Variants in SORCS1 observed in about 807,000 individuals in gnomAD.
SORCS1 encodes sortilin related VPS10 domain containing receptor 1, also known as VPS10 domain-containing receptor SorCS1.
Under a neutral mutation model 146.1 loss-of-function variants are expected in SORCS1, and 60 were observed. That is an observed-to-expected ratio of 0.41 (90% CI 0.33 to 0.51). The LOEUF (loss-of-function observed/expected upper bound fraction) is 0.51, where lower values mean the gene tolerates loss of function less well. Ranked by LOEUF, SORCS1 falls within the 20% of genes least tolerant of loss-of-function variation. The pLI, the probability that SORCS1 is intolerant of heterozygous loss-of-function variation, is 0.21. For missense variants in SORCS1, 1,352 were observed against 1,487.6 expected (o/e 0.91, Z 1.50); for synonymous variants, 637 against 584.0 (o/e 1.09, Z -1.31).
chr10:106,984,635 C>T (rs1313199445), intron 1 of SORCS1, among the ~76,000 whole-genome samples: 2 of 151,740 alleles, frequency 1.3e-5, no homozygotes, highest in East Asian at 2.0e-4. Flanking sequence ...CCTCGTGATC[C>T]GCCCACCTGG....
Position 106,620,500 on chromosome 10 carries a change from A to T in SORCS1, c.2724T>A (p.Asn908Lys). The change falls in exon 20 of 26, where the codon AAT (asparagine) becomes AAA (lysine). Residue 908 changes from asparagine (N) to lysine (K), a missense_variant. Around this residue, in one of 3 missense-constraint regions of SORCS1, gnomAD observed 648 missense variants for 793.8 expected, o/e 0.82. Coordinates refer to ENST00000263054, the MANE Select transcript of SORCS1 (RefSeq NM_052918.5). ...GGCTGGGCCACAGCACTGCCGTCGC[A>T]TTGACCTCTTTGTTCTTTGTGGTGA... Reference protein sequence around the residue: ...PFVTTKNKEVNATAVLWPSQV... With the variant: ...PFVTTKNKEVKATAVLWPSQV... 1 of 1,614,136 alleles carries T rather than the reference A, an allele frequency of 6.2e-7. No individual in the cohort carries two copies. Among genetic ancestry groups the T allele is most frequent in the Non-Finnish European group, 8.5e-7 (1 of 1,179,974 alleles).
chr10:107,057,011 C>A (rs1453106494), intron 1 of SORCS1, among the ~76,000 whole-genome samples: 1 of 152,202 alleles, frequency 6.6e-6, no homozygotes, highest in Non-Finnish European at 1.5e-5. Context: ...CTTTAACATC[C>A]AGTTCCCGCT....
Position 106,851,528 on chromosome 10 carries a change from T to C in SORCS1, c.627-21855A>G, listed in dbSNP as rs145543407. Among the ~76,000 whole-genome samples, 17 of 152,358 alleles carry C rather than the reference T, an allele frequency of 1.1e-4. No homozygotes were observed. The East Asian group carries it at 3.3e-3, about 29-fold the overall frequency. On this transcript the variant is annotated intron_variant, in intron 2 of 25. Coordinates refer to ENST00000263054, the MANE Select transcript of SORCS1 (RefSeq NM_052918.5). ...AGCTGACTATATTTATATTGTTCTA[T>C]GTCTGGGCTCTCTACTCTGTTCCAT...
chr10:107,058,031 TA>T (rs1554934927), intron 1 of SORCS1, among the ~76,000 whole-genome samples: 88 of 152,010 alleles, frequency 5.8e-4, no homozygotes, highest in African/African-American at 2.1e-3. Flanking sequence ...AATCAACTTT[TA>T]AAAAAAATTT....
At chr10:107,076,744 GA>G (rs1962917269) in intron 1 of SORCS1, among the ~76,000 whole-genome samples, 1 of 152,096 alleles carries the variant, frequency 6.6e-6, no homozygotes, top group African/African-American at 2.4e-5. Context: ...ACATCATGGT[GA>G]AGTGGACGCT....
intron 3 of SORCS1, 25 bp downstream of exon 3, chr10:106,829,549 A>C: frequency 1.3e-6 from 2 of 1,504,720 alleles, no homozygotes; most frequent in Non-Finnish European, 1.8e-6. Flanking sequence ...ATGAATGAGT[A>C]GCATGCTGAA....
Position 106,672,937 on chromosome 10 carries a change from T to C in SORCS1, c.1989A>G (p.Val663=), listed in dbSNP as rs147260473. Residue 663 remains valine (V), a synonymous_variant, in exon 15 of 26, where the codon GTA becomes GTG. Transcript: ENST00000263054. The stretch of plus-strand genomic sequence containing the variant: ...GTCTATCAAAAATGGACTTGTAATC[T>C]ACTTTGACCAGCTGCCATTCAGAGC... ...SHRSEWQLVK[V]DYKSIFDRRC... The C allele has an allele frequency of 7.4e-6, 12 of 1,614,002 alleles. No homozygotes were observed. Among genetic ancestry groups the C allele is most frequent in the South Asian group, 5.5e-5 (5 of 91,080 alleles).
At chr10:106,959,418 G>A (rs1038229987) in intron 1 of SORCS1, among the ~76,000 whole-genome samples, 1 of 151,958 alleles carries the variant, frequency 6.6e-6, no homozygotes, top group Non-Finnish European at 1.5e-5. Flanking sequence ...TCCCTTCACT[G>A]CCTCTGTGCA....
intron 1 of SORCS1, among the ~76,000 whole-genome samples, chr10:106,992,224 CCT>C (rs1418810618): frequency 6.6e-6 from 1 of 152,044 alleles, no homozygotes; most frequent in African/African-American, 2.4e-5. Flanking sequence ...CAAAGGAGCC[CCT>C]GACTTCCGTA....
intron 1 of SORCS1, among the ~76,000 whole-genome samples, chr10:107,125,132 TA>T (rs2134580541): frequency 6.6e-6 from 1 of 152,080 alleles, no homozygotes; most frequent in Admixed American, 6.6e-5. Context: ...TTTATATTTT[TA>T]CTAAAGATGG....
intron 2 of SORCS1, among the ~76,000 whole-genome samples, chr10:106,831,123 G>T (rs1948525791): frequency 6.6e-6 from 1 of 152,078 alleles, no homozygotes; most frequent in Admixed American, 6.6e-5. Flanking sequence ...AACCCGGGAG[G>T]TGGAGGTTGC....
At chr10:106,996,365 G>C (rs1179528057) in intron 1 of SORCS1, among the ~76,000 whole-genome samples, 1 of 151,792 alleles carries the variant, frequency 6.6e-6, no homozygotes. Context: ...AAATTATTTT[G>C]CACTGCTATC....
At chr10:106,801,844 T>C (rs2136654815) in intron 3 of SORCS1, among the ~76,000 whole-genome samples, 1 of 152,208 alleles carries the variant, frequency 6.6e-6, no homozygotes, top group East Asian at 1.9e-4. Flanking sequence ...TAGACGACAG[T>C]TTACAGATGA....
intron 2 of SORCS1, among the ~76,000 whole-genome samples, chr10:106,952,326 T>G (rs1462389636): frequency 6.6e-6 from 1 of 151,980 alleles, no homozygotes; most frequent in Non-Finnish European, 1.5e-5. Flanking sequence ...CAGGAGAAAG[T>G]CAGTTTGTGC....
chr10:106,982,138 G>C (rs544082303), intron 1 of SORCS1, among the ~76,000 whole-genome samples: 1 of 152,290 alleles, frequency 6.6e-6, no homozygotes, highest in South Asian at 2.1e-4. Flanking sequence ...TCTTCGATTA[G>C]ATTGTGTAGA....
intron 9 of SORCS1, among the ~76,000 whole-genome samples, chr10:106,692,849 T>C (rs1853400450): frequency 6.6e-6 from 1 of 151,944 alleles, no homozygotes; most frequent in South Asian, 2.1e-4. Context: ...AGAAAAATAT[T>C]TAAGGTGATG....
chr10:107,004,529 T>TACTGTTCTCATCAGAACAGTATGGAGGAA lies in SORCS1; in HGVS notation c.559-47978_559-47950dup, dbSNP rs1957360381. Among the ~76,000 whole-genome samples, 13 of 152,278 alleles carry TACTGTTCTCATCAGAACAGTATGGAGGAA rather than the reference T, an allele frequency of 8.5e-5. No homozygotes were observed. The South Asian group carries it at 2.5e-3, about 29-fold the overall frequency. On this transcript the variant is annotated intron_variant, in intron 1 of 25. Coordinates refer to ENST00000263054, the MANE Select transcript of SORCS1 (RefSeq NM_052918.5). The stretch of plus-strand genomic sequence containing the variant: ...ACCACAAGATCTCGAGACTTATTCA[T>TACTGTTCTCATCAGAACAGTATGGAGGAA]ACTGTTCTCATCAGAACAGTATGGA...
At chr10:107,001,732 G>C (rs1564911009) in intron 1 of SORCS1, among the ~76,000 whole-genome samples, 1 of 152,120 alleles carries the variant, frequency 6.6e-6, no homozygotes, top group Non-Finnish European at 1.5e-5. Context: ...CTAAAGTGCT[G>C]GTATTACAGG....
chr10:106,767,314 T>C (rs954359350), intron 4 of SORCS1, among the ~76,000 whole-genome samples: 11 of 151,840 alleles, frequency 7.2e-5, no homozygotes, highest in Admixed American at 5.9e-4. Context: ...CAGTTGAGGG[T>C]GGTACTCTGA....
Sources: gnomAD v4.1 joint callset for allele counts (sites outside exome capture counted in the v4.1 genomes callset) on GRCh38, gnomAD v4.1.1 for gene constraint, gnomAD v4.1.1 regional missense constraint, MANE v1.5 for transcripts, NCBI Gene and HGNC (gene_info 2026-07-23, HGNC 2026-07-21) for gene names.